Variants in RTN4R observed in about 807,000 individuals in gnomAD.
RTN4R encodes reticulon-4 receptor.
In RTN4R, 4 loss-of-function variants were observed where a neutral mutation model predicts 27.7. The observed-to-expected ratio is 0.14, with a 90% CI of 0.07 to 0.33. The LOEUF is 0.33. RTN4R is among the 10% of genes least tolerant of loss of function. RTN4R has a pLI of 1.00. For synonymous variants in RTN4R, 290 were observed against 305.6 expected, an observed-to-expected ratio of 0.95 and a Z score of 0.53; for missense variants, 554 against 671.5, an observed-to-expected ratio of 0.83 and a Z score of 1.93.
At chr22:20,254,977 C>T (rs2145980210) in intron 1 of RTN4R, among the ~76,000 whole-genome samples, 1 of 152,320 alleles carries the variant, frequency 6.6e-6, no homozygotes, top group South Asian at 2.1e-4. Context: ...GAAACACTGG[C>T]TGTGAATTTA....
rs1449959804 is a variant in RTN4R at position 20,242,386 on chromosome 22, C to T, written c.747G>A (p.Leu249=). The change falls in exon 2 of 2, where the codon CTG becomes CTA. Residue 249 remains leucine (L), a synonymous_variant. Coordinates refer to ENST00000043402, the MANE Select transcript of RTN4R (RefSeq NM_023004.6). The stretch of plus-strand genomic sequence containing the variant: ...TGAGCCTCAGGTACTGCAGGGCACG[C>T]AGGGGGGCCAGGGCCTCAGTGGGCA... ...SALPTEALAP[L]RALQYLRLND... 1.2e-6 allele frequency: 2 copies of T among 1,613,064 alleles called. No individual in the cohort carries two copies. The highest frequency in any genetic ancestry group is 1.7e-6 in the Non-Finnish European group (2 of 1,179,918).
chr22:20,264,059 G>T (rs2051262890), intron 1 of RTN4R, among the ~76,000 whole-genome samples: 1 of 152,222 alleles, frequency 6.6e-6, no homozygotes, highest in South Asian at 2.1e-4. Flanking sequence ...TGGCCCTGCT[G>T]CCGAGTCCCC....
At chr22:20,249,203 C>G in intron 1 of RTN4R, 1 of 534,188 alleles carries the variant, frequency 1.9e-6, no homozygotes, top group Non-Finnish European at 3.8e-6. Context: ...GCTGAGTCCC[C>G]AGAGGACACT....
Position 20,244,973 on chromosome 22 carries a change from C to T in RTN4R, c.23-1863G>A, listed in dbSNP as rs530527050. 2.4e-4 allele frequency among the ~76,000 whole-genome samples: 37 copies of T among 152,280 alleles called. 1 individual carries two copies. The highest frequency in any genetic ancestry group is 4.1e-4 in the Non-Finnish European group (28 of 68,012). ...CCACTGAGCCATGCCACCATCCCAC[C>T]ACTGTCCTGTGGCTCCAGGCCCGAA... On this transcript the variant is annotated intron_variant, in intron 1 of 1. Coordinates refer to ENST00000043402, the MANE Select transcript of RTN4R (RefSeq NM_023004.6).
intron 1 of RTN4R, among the ~76,000 whole-genome samples, chr22:20,260,218 C>A (rs924000008): frequency 6.6e-6 from 1 of 152,138 alleles, no homozygotes; most frequent in African/African-American, 2.4e-5. Context: ...CCCACGGGAG[C>A]CCCAAGAAGC....
chr22:20,261,668 A>C (rs2051248061), intron 1 of RTN4R, among the ~76,000 whole-genome samples: 1 of 152,220 alleles, frequency 6.6e-6, no homozygotes, highest in Non-Finnish European at 1.5e-5. Flanking sequence ...GAAGGGCACC[A>C]GGCACTGCCC....
At chr22:20,257,560 G>A (rs1187765911) in intron 1 of RTN4R, among the ~76,000 whole-genome samples, 3 of 152,204 alleles carry the variant, frequency 2.0e-5, no homozygotes, top group African/African-American at 7.2e-5. Context: ...ACCAGCCCAT[G>A]CTGGCACCCT....
Position 20,242,021 on chromosome 22 carries a change from C to A in RTN4R, c.1112G>T (p.Gly371Val). Residue 371 changes from glycine to valine, a missense_variant, in exon 2 of 2, where the codon GGC becomes GTC. Physicochemically the swap from Gly to Val is moderately radical, Grantham distance 109. This residue lies in a region of RTN4R where 413 missense variants were observed against 542.3 expected (regional missense o/e 0.76). Transcript: ENST00000043402. Reference protein sequence around the residue: ...GRVPPGDSPPGNGSGPRHIND... With the variant: ...GRVPPGDSPPVNGSGPRHIND... Reference sequence around the variant, plus strand: ...GATGTGCCGTGGGCCAGAGCCGTTGCCCGGCGGGCTGTCACCGGGCGGCAC... The same window carrying A: ...GATGTGCCGTGGGCCAGAGCCGTTGACCGGCGGGCTGTCACCGGGCGGCAC... 6.2e-7 allele frequency: 1 copy of A among 1,611,636 alleles called. No homozygotes were observed. Among genetic ancestry groups the A allele is most frequent in the Non-Finnish European group, 8.5e-7 (1 of 1,179,866 alleles).
chr22:20,256,142 C>T (rs1359068295), intron 1 of RTN4R, among the ~76,000 whole-genome samples: 1 of 152,190 alleles, frequency 6.6e-6, no homozygotes, highest in African/African-American at 2.4e-5. Context: ...CGCCCCACTG[C>T]GCAGGGCCAG....
intron 1 of RTN4R, among the ~76,000 whole-genome samples, chr22:20,246,409 G>A (rs1425010295): frequency 1.3e-5 from 2 of 152,038 alleles, no homozygotes; most frequent in Non-Finnish European, 2.9e-5. Flanking sequence ...GGTGAGTGGA[G>A]GGCTGTTCAC....
At chr22:20,260,447 G>A (rs2051238623) in intron 1 of RTN4R, among the ~76,000 whole-genome samples, 1 of 152,296 alleles carries the variant, frequency 6.6e-6, no homozygotes, top group Non-Finnish European at 1.5e-5. Context: ...GGGCACCAGG[G>A]CTGACTCCCA....
intron 1 of RTN4R, among the ~76,000 whole-genome samples, chr22:20,247,602 C>T (rs550629638): frequency 1.1e-4 from 17 of 152,198 alleles, no homozygotes; most frequent in African/African-American, 4.1e-4. Context: ...CTGTGCCCTT[C>T]CAGGGCTCCA....
chr22:20,259,186 C>T (rs936719336), intron 1 of RTN4R, among the ~76,000 whole-genome samples: 2 of 152,194 alleles, frequency 1.3e-5, no homozygotes, highest in East Asian at 1.9e-4. Context: ...CCTCAGGCCA[C>T]CCCAGGGGAC....
At chr22:20,249,179 A>G (rs759647403) in intron 1 of RTN4R, 4 of 534,182 alleles carry the variant, frequency 7.5e-6, no homozygotes, top group South Asian at 5.6e-5. Context: ...AATTCAATCC[A>G]GCAGCCAGAG....
chr22:20,245,339 G>A (rs1378971435), intron 1 of RTN4R, among the ~76,000 whole-genome samples: 1 of 152,244 alleles, frequency 6.6e-6, no homozygotes, highest in Non-Finnish European at 1.5e-5. Context: ...GCTCCAGCCT[G>A]GCCCCCCTTG....
At chr22:20,267,915 A>C (rs2051288900) in intron 1 of RTN4R, among the ~76,000 whole-genome samples, 156 bp downstream of exon 1, 1 of 151,624 alleles carries the variant, frequency 6.6e-6, no homozygotes, top group African/African-American at 2.4e-5. Flanking sequence ...CAGCGGCCCC[A>C]GCCTGGCGCG....
At chr22:20,267,311 G>A (rs956518824) in intron 1 of RTN4R, among the ~76,000 whole-genome samples, 4 of 152,196 alleles carry the variant, frequency 2.6e-5, no homozygotes, top group African/African-American at 9.6e-5. Context: ...GGGCACCTGG[G>A]GAGCACCCTC....
chr22:20,244,141 G>T (rs529379817), intron 1 of RTN4R, among the ~76,000 whole-genome samples: 1 of 152,386 alleles, frequency 6.6e-6, no homozygotes, highest in African/African-American at 2.4e-5. Flanking sequence ...TGGCTTATCA[G>T]CTAACACTTG....
chr22:20,243,509 G>T, intron 1 of RTN4R: 1 of 496,722 alleles, frequency 2.0e-6, no homozygotes, highest in Non-Finnish European at 4.1e-6. Context: ...TCCCAGTGGG[G>T]GTTCCACCCA....
Sources: gnomAD v4.1 joint callset for allele counts (sites outside exome capture counted in the v4.1 genomes callset) on GRCh38, gnomAD v4.1.1 for gene constraint, gnomAD v4.1.1 regional missense constraint, MANE v1.5 for transcripts, NCBI Gene and HGNC (gene_info 2026-07-23, HGNC 2026-07-21) for gene names.